Variants in CD2AP observed in about 807,000 individuals in gnomAD.
The protein encoded by CD2AP is CD2-associated protein.
CD2AP carries 46 observed loss-of-function variants against 85.1 expected under a neutral mutation model. That is an observed-to-expected ratio of 0.54 (90% confidence interval 0.43 to 0.69). CD2AP has a LOEUF of 0.69. Ranked by LOEUF, CD2AP falls within the 30% of genes least tolerant of loss-of-function variation. The pLI is 0.00. For synonymous variants in CD2AP, 255 were observed against 252.9 expected (o/e 1.01, Z -0.08); for missense variants, 769 against 729.5 (o/e 1.05, Z -0.62).
intron 11 of CD2AP, among the ~76,000 whole-genome samples, chr6:47,589,856 A>G (rs775342019): frequency 6.6e-6 from 1 of 152,036 alleles, no homozygotes; most frequent in Non-Finnish European, 1.5e-5. Flanking sequence ...AAAGGGATTT[A>G]CTGTTGGAGG....
chr6:47,569,551 A>T (rs893459593), intron 5 of CD2AP, among the ~76,000 whole-genome samples: 12 of 151,436 alleles, frequency 7.9e-5, no homozygotes, highest in Non-Finnish European at 1.6e-4. Context: ...AACTAGATGG[A>T]TGCATCACAC....
chr6:47,609,603 G>A (rs546669949), intron 16 of CD2AP: 3 of 271,946 alleles, frequency 1.1e-5, no homozygotes, highest in East Asian at 1.7e-4. Flanking sequence ...AGAGGCTGAG[G>A]TGGGAGGATG....
At chr6:47,565,604 C>A (rs575380735) in intron 5 of CD2AP, among the ~76,000 whole-genome samples, 1 of 152,142 alleles carries the variant, frequency 6.6e-6, no homozygotes, top group South Asian at 2.1e-4. Flanking sequence ...TGTAATCTTC[C>A]CCATCTGAGT....
rs1279052773 is a variant in CD2AP at position 47,576,564 on chromosome 6, T to C, written c.770T>C (p.Val257Ala). The C allele has an allele frequency of 2.5e-6, 4 of 1,612,746 alleles. No individual in the cohort carries two copies. The African/African-American group carries it at 5.3e-5, about 22-fold the overall frequency. ...LQSLGPKTQSVEITKTDTEGK... is the reference protein window; with the variant it reads ...LQSLGPKTQSAEITKTDTEGK... ...TCACTGGGACCCAAAACTCAGAGTG[T>C]GGAGATAACAAAAACAGATACCGAA... is the stretch of plus-strand genomic sequence containing the variant. The change falls in exon 7 of 18, where the codon GTG (valine) becomes GCG (alanine). Residue 257 changes from valine (V) to alanine (A), a missense_variant. Transcript: ENST00000359314.
At chr6:47,518,018 G>C (rs999629607) in intron 2 of CD2AP, among the ~76,000 whole-genome samples, 9 of 152,146 alleles carry the variant, frequency 5.9e-5, no homozygotes, top group Non-Finnish European at 1.2e-4. Flanking sequence ...TAGGTAGAAT[G>C]GTTAAATATT....
At chr6:47,520,616 G>C (rs1169196678) in intron 2 of CD2AP, among the ~76,000 whole-genome samples, 1 of 152,128 alleles carries the variant, frequency 6.6e-6, no homozygotes, top group African/African-American at 2.4e-5. Context: ...GTGGTGGTTG[G>C]GGGCGAAAGT....
At chr6:47,508,203 C>G (rs1766225285) in intron 2 of CD2AP, among the ~76,000 whole-genome samples, 1 of 152,174 alleles carries the variant, frequency 6.6e-6, no homozygotes, top group Non-Finnish European at 1.5e-5. Flanking sequence ...TAGGTGGTAC[C>G]TTTTTCCAAT....
At chr6:47,623,164 G>A (rs555356234) in intron 17 of CD2AP, among the ~76,000 whole-genome samples, 4 of 152,208 alleles carry the variant, frequency 2.6e-5, no homozygotes, top group East Asian at 3.9e-4. Flanking sequence ...ATTAATAAAC[G>A]GTTCTTGAGT....
At chr6:47,604,014 T>C (rs1418428408) in intron 13 of CD2AP, among the ~76,000 whole-genome samples, 2 of 152,124 alleles carry the variant, frequency 1.3e-5, no homozygotes, top group African/African-American at 4.8e-5. Flanking sequence ...TCCTGATTCG[T>C]TTAAAATATT....
intron 3 of CD2AP, among the ~76,000 whole-genome samples, chr6:47,534,475 G>C (rs1179601815): frequency 1.3e-5 from 2 of 152,156 alleles, no homozygotes; most frequent in African/African-American, 2.4e-5. Flanking sequence ...GGGAGGCCTA[G>C]GTAGGTGGAT....
intron 1 of CD2AP, among the ~76,000 whole-genome samples, chr6:47,492,824 A>G (rs990308355): frequency 6.7e-6 from 1 of 149,826 alleles, no homozygotes. Context: ...TTTTTTTTCC[A>G]TTTTTCTGTT....
At chr6:47,502,910 A>G (rs996512440) in intron 1 of CD2AP, among the ~76,000 whole-genome samples, 2 of 152,194 alleles carry the variant, frequency 1.3e-5, no homozygotes, top group African/African-American at 2.4e-5. Flanking sequence ...CACAGGTCAC[A>G]TTGGCAGTCA....
intron 9 of CD2AP, chr6:47,579,867 A>G (rs1199719662): frequency 5.8e-6 from 1 of 172,400 alleles, no homozygotes; most frequent in African/African-American, 2.4e-5. Flanking sequence ...CTGTTGGTGC[A>G]TTTTTTTGGG....
Position 47,478,141 on chromosome 6 carries a change from G to C in CD2AP, c.-104G>C. ...GCCTGAGCTCAGGAGGGGCTAGCGC[G>C]GAGCGCGGGTCCCGCCTCCAGCCGC... is the stretch of plus-strand genomic sequence containing the variant. On this transcript the variant is annotated 5_prime_UTR_variant, in exon 1 of 18. Transcript: ENST00000359314. The C allele has an allele frequency of 7.7e-6, 11 of 1,434,762 alleles. No individual in the cohort carries two copies. Among genetic ancestry groups the C allele is most frequent in the Non-Finnish European group, 1.1e-5 (11 of 1,043,620 alleles). The allele number at this position is 1,434,762 out of a possible 1,614,324, so 88.9% of individuals were successfully genotyped here.
intron 5 of CD2AP, among the ~76,000 whole-genome samples, chr6:47,556,422 G>A (rs529164860): frequency 2.8e-4 from 42 of 151,472 alleles, no homozygotes; most frequent in African/African-American, 1.0e-3. Context: ...TTGAGACAAA[G>A]TTTAACTCTT....
chr6:47,573,916 T>C (rs879299296), intron 5 of CD2AP, 148 bp from the exon 6 acceptor site: 13 of 681,518 alleles, frequency 1.9e-5, no homozygotes, highest in Non-Finnish European at 2.4e-5. Context: ...AATTGCATCT[T>C]GCTCTTCTGG....
intron 3 of CD2AP, among the ~76,000 whole-genome samples, chr6:47,542,801 AG>A (rs1011300159): frequency 1.3e-5 from 2 of 152,176 alleles, no homozygotes; most frequent in African/African-American, 2.4e-5. Flanking sequence ...AGAAGCGAAT[AG>A]GGGGTGGTAA....
At chr6:47,581,540 G>A (rs924909548) in intron 10 of CD2AP, among the ~76,000 whole-genome samples, 2 of 152,084 alleles carry the variant, frequency 1.3e-5, no homozygotes, top group African/African-American at 4.8e-5. Context: ...TAAGTTAAAA[G>A]TAATTTTTAT....
chr6:47,599,444 G>A lies in CD2AP; in HGVS notation c.1417+1G>A. 1.2e-6 allele frequency: 2 copies of A among 1,611,524 alleles called. No homozygotes were observed. Among genetic ancestry groups the A allele is most frequent in the African/African-American group, 2.7e-5 (2 of 74,794 alleles). On this transcript the variant is annotated splice_donor_variant, in intron 13 of 17. Coordinates refer to ENST00000359314, the MANE Select transcript of CD2AP (RefSeq NM_012120.3). LOFTEE classifies it high-confidence loss of function. ...ACAGTAAGGACCTCCAAAGAAACAG[G>A]TAAGTCAGCATGGACAGCGGTGGTG...
Sources: gnomAD v4.1 joint callset for allele counts (sites outside exome capture counted in the v4.1 genomes callset) on GRCh38, gnomAD v4.1.1 for gene constraint, MANE v1.5 for transcripts, NCBI Gene and HGNC (gene_info 2026-07-23, HGNC 2026-07-21) for gene names.